PDE1C: variants seen among roughly 807,000 people sequenced by gnomAD.
PDE1C encodes dual specificity calcium/calmodulin-dependent 3',5'-cyclic nucleotide phosphodiesterase 1C.
PDE1C carries 62 observed loss-of-function variants against 93.1 expected under a neutral mutation model. The observed-to-expected ratio is 0.67, with a 90% CI of 0.54 to 0.82. The LOEUF (loss-of-function observed/expected upper bound fraction) is 0.82, where lower values mean the gene tolerates loss of function less well. Among genes scored for constraint, PDE1C ranks in the 40% least tolerant of loss-of-function variants. The pLI is 0.00. For missense variants in PDE1C, 742 were observed against 884.6 expected (o/e 0.84, Z 2.04); for synonymous variants, 325 against 310.1 (o/e 1.05, Z -0.50).
In PDE1C at chr7:32,154,531, G is replaced by T. The variant is rs533823825; in HGVS notation, c.308+15254C>A. Among the ~76,000 whole-genome samples the T allele has an allele frequency of 1.8e-4, 28 of 152,246 alleles. No individual in the cohort carries two copies. The East Asian group carries it at 3.1e-3, about 17-fold the overall frequency. On this transcript the variant is annotated intron_variant, in intron 3 of 18. Coordinates refer to the PDE1C transcript ENST00000396193. ...AACTACAACCTCACTCAGGTTTCAG[G>T]AGTTTTTATGCCTAGTATTTTTACA... is the stretch of plus-strand genomic sequence containing the variant.
At chr7:31,728,103 G>C in the PDE1C span, among the ~76,000 whole-genome samples, 1 of 152,196 alleles carries the variant, frequency 6.6e-6, no homozygotes, top group Non-Finnish European at 1.5e-5. Context: ...TAGTCACTGA[G>C]ATTATAGGGA....
intron 7 of PDE1C, among the ~76,000 whole-genome samples, chr7:31,854,007 G>T (rs535434638): frequency 3.3e-5 from 5 of 151,812 alleles, no homozygotes; most frequent in African/African-American, 1.2e-4. Flanking sequence ...GATTATAGGC[G>T]TGAGCAACTG....
chr7:32,153,524 T>A (rs1801387455), intron 3 of PDE1C, among the ~76,000 whole-genome samples: 1 of 152,164 alleles, frequency 6.6e-6, no homozygotes, highest in Non-Finnish European at 1.5e-5. Context: ...GAGTGGGGGT[T>A]CTCAGCCCTG....
rs200895140 is a variant in PDE1C, at chr7:31,816,057, T to C, written c.1680A>G (p.Ala560=). Residue 560 remains alanine (A), a synonymous_variant, in exon 15 of 18, where the codon GCA becomes GCG. Coordinates refer to ENST00000396191, the MANE Select transcript of PDE1C (RefSeq NM_001191057.4). ...MEAKSQAEEG[A]SGKAEKKTSG... Reference sequence around the variant, plus strand: ...ACGTCTTTTTCTCAGCTTTGCCAGATGCGCCTTCTTCAGCCTGGCTTTTGG... The same window carrying C: ...ACGTCTTTTTCTCAGCTTTGCCAGACGCGCCTTCTTCAGCCTGGCTTTTGG... 3 of 1,614,074 alleles carry C rather than the reference T, an allele frequency of 1.9e-6. No individual in the cohort carries two copies. The highest frequency in any genetic ancestry group is 2.2e-5 in the East Asian group (1 of 44,862).
intron 2 of PDE1C, among the ~76,000 whole-genome samples, chr7:32,026,688 A>G (rs1172094824): frequency 6.6e-6 from 1 of 151,990 alleles, no homozygotes; most frequent in African/African-American, 2.4e-5. Context: ...ATTTACTCAG[A>G]TAAAATGAAA....
At chr7:32,127,205 C>A (rs915312870) in intron 3 of PDE1C, among the ~76,000 whole-genome samples, 1 of 152,158 alleles carries the variant, frequency 6.6e-6, no homozygotes, top group South Asian at 2.1e-4. Flanking sequence ...CATCTGCTCT[C>A]TCTGGTCACC....
intron 1 of PDE1C, among the ~76,000 whole-genome samples, chr7:32,367,010 C>G (rs1585127796): frequency 6.6e-6 from 1 of 151,802 alleles, no homozygotes; most frequent in Non-Finnish European, 1.5e-5. Context: ...GCCTGGGTGA[C>G]AGAGTGAGAC....
At chr7:32,297,517 C>G (rs1413303513) in intron 1 of PDE1C, among the ~76,000 whole-genome samples, 1 of 152,082 alleles carries the variant, frequency 6.6e-6, no homozygotes, top group Admixed American at 6.5e-5. Context: ...CTACTCACCT[C>G]CAAGGAAGAT....
intron 6 of PDE1C, among the ~76,000 whole-genome samples, chr7:31,866,869 A>G (rs572182407): frequency 1.3e-5 from 2 of 152,120 alleles, no homozygotes; most frequent in South Asian, 4.1e-4. Context: ...TAGCCACCAG[A>G]AAGCCCCTAA....
chr7:32,049,194 G>A, intron 2 of PDE1C, among the ~76,000 whole-genome samples: 1 of 152,150 alleles, frequency 6.6e-6, no homozygotes, highest in Non-Finnish European at 1.5e-5. Context: ...ACTACCGTGA[G>A]TCCAACGAAC....
chr7:32,275,853 G>A (rs1811249519), intron 1 of PDE1C, among the ~76,000 whole-genome samples: 1 of 152,138 alleles, frequency 6.6e-6, no homozygotes, highest in South Asian at 2.1e-4. Flanking sequence ...GAATGTCTAA[G>A]ACAAGATATC....
chr7:31,719,827 G>A, the PDE1C span, among the ~76,000 whole-genome samples: 4 of 152,248 alleles, frequency 2.6e-5, no homozygotes, highest in East Asian at 7.7e-4. Context: ...TCTACCCTAG[G>A]CTCTTCTATC....
chr7:31,729,290 G>A, the PDE1C span, among the ~76,000 whole-genome samples: 1 of 152,162 alleles, frequency 6.6e-6, no homozygotes, highest in African/African-American at 2.4e-5. Context: ...AGCCTTGTGT[G>A]AGGTTAGCTT....
At chr7:31,939,524 T>C (rs995035247) in intron 2 of PDE1C, among the ~76,000 whole-genome samples, 7 of 152,050 alleles carry the variant, frequency 4.6e-5, no homozygotes, top group Non-Finnish European at 1.0e-4. Context: ...ATGAGACAAA[T>C]AAGAAGTTAA....
chr7:31,648,546 C>T, the PDE1C span, among the ~76,000 whole-genome samples: 1 of 152,238 alleles, frequency 6.6e-6, no homozygotes, highest in East Asian at 1.9e-4. Flanking sequence ...GCAAACACTC[C>T]ATCAGTTATT....
the PDE1C span, chr7:31,708,069 G>C: frequency 1.3e-5 from 2 of 152,184 alleles, no homozygotes; most frequent in African/African-American, 4.8e-5. Flanking sequence ...TGAATTTACT[G>C]TAAAAAAATT....
chr7:31,648,391 AT>A, the PDE1C span, among the ~76,000 whole-genome samples: 9 of 151,874 alleles, frequency 5.9e-5, no homozygotes, highest in Admixed American at 2.0e-4. Flanking sequence ...GTTTTTATTT[AT>A]TTTTTTTCTC....
At chr7:32,187,873 C>T (rs568644319) in intron 2 of PDE1C, among the ~76,000 whole-genome samples, 2 of 152,270 alleles carry the variant, frequency 1.3e-5, no homozygotes, top group East Asian at 1.9e-4. Context: ...ACTTACAGCA[C>T]GTCTCAGTTA....
At chr7:32,367,206 T>C (rs928832951) in intron 1 of PDE1C, among the ~76,000 whole-genome samples, 1 of 152,158 alleles carries the variant, frequency 6.6e-6, no homozygotes, top group Non-Finnish European at 1.5e-5. Context: ...CTGGAAGTCA[T>C]TGTAGGACCA....
Sources: gnomAD v4.1 joint callset for allele counts (sites outside exome capture counted in the v4.1 genomes callset) on GRCh38, gnomAD v4.1.1 for gene constraint, MANE v1.5 for transcripts, NCBI Gene and HGNC (gene_info 2026-07-23, HGNC 2026-07-21) for gene names.